Variants in PKHD1 observed in about 807,000 individuals in gnomAD.
PKHD1 encodes the protein fibrocystin.
Under a neutral mutation model 412.0 loss-of-function variants are expected in PKHD1, and 291 were observed. The observed-to-expected ratio is 0.71, with a 90% confidence interval of 0.64 to 0.78. The LOEUF (loss-of-function observed/expected upper bound fraction) is 0.78. Ranked by LOEUF, PKHD1 falls within the 30% of genes least tolerant of loss-of-function variation. The pLI, the probability that PKHD1 is intolerant of heterozygous loss-of-function variation, is 0.00. For missense variants in PKHD1, 4,825 were observed against 4,950.7 expected (o/e 0.97, Z 0.76); for synonymous variants, 1,777 against 1,821.5 (o/e 0.98, Z 0.62).
chr6:51,994,139 T>TTA, intron 35 of PKHD1, among the ~76,000 whole-genome samples: 1 of 45,202 alleles, frequency 2.2e-5, no homozygotes, highest in African/African-American at 4.4e-5. Context: ...TTTTTCTTTC[T>TTA]TTTTTTTTTT....
intron 27 of PKHD1, among the ~76,000 whole-genome samples, chr6:52,036,129 G>A (rs761570916): frequency 4.6e-5 from 7 of 152,148 alleles, no homozygotes; most frequent in Non-Finnish European, 7.4e-5. Context: ...TGAGAGTCAG[G>A]GTCAGGGCCA....
intron 39 of PKHD1, among the ~76,000 whole-genome samples, chr6:51,910,476 T>C (rs1038034728): frequency 6.6e-6 from 1 of 152,146 alleles, no homozygotes; most frequent in African/African-American, 2.4e-5. Flanking sequence ...TGGACAGGCC[T>C]TGTGTTATTA....
intron 43 of PKHD1, among the ~76,000 whole-genome samples, chr6:51,896,616 T>A (rs1178021423): frequency 6.6e-6 from 1 of 151,848 alleles, no homozygotes; most frequent in Non-Finnish European, 1.5e-5. Context: ...CCTCTCCTCC[T>A]CCAAAGGAAC....
At chr6:51,930,405 T>A (rs1786389830) in intron 37 of PKHD1, among the ~76,000 whole-genome samples, 2 of 152,118 alleles carry the variant, frequency 1.3e-5, no homozygotes, top group African/African-American at 4.8e-5. Flanking sequence ...GCTGTGTGTA[T>A]ATGTGAGTGT....
chr6:52,015,558 C>T (rs1441578208), intron 34 of PKHD1, among the ~76,000 whole-genome samples: 1 of 152,178 alleles, frequency 6.6e-6, no homozygotes, highest in Admixed American at 6.5e-5. Flanking sequence ...AGTGCAGTGG[C>T]TCACGCCTGT....
intron 53 of PKHD1, among the ~76,000 whole-genome samples, chr6:51,787,315 C>T (rs373464071): frequency 4.7e-5 from 7 of 147,994 alleles, no homozygotes; most frequent in East Asian, 4.1e-4. Context: ...GCTGAGATGG[C>T]GCCACTGCAC....
In PKHD1 at chr6:51,648,037, G is replaced by A; in HGVS notation, c.11392C>T (p.Leu3798=). The part of the protein sequence containing the change: ...ASLEGASDSV[L]KGCTQAETQD... Reference sequence around the variant, plus strand: ...TTACAGATACTTTACCTACCTTTTAGCACTGAGTCTGATGCTCCTTCCAGG... The same window carrying A: ...TTACAGATACTTTACCTACCTTTTAACACTGAGTCTGATGCTCCTTCCAGG... The change falls in exon 63 of 67, where the codon CTA becomes TTA. Residue 3798 remains leucine, a synonymous_variant. Coordinates refer to ENST00000371117, the MANE Select transcript of PKHD1 (RefSeq NM_138694.4). The A allele has an allele frequency of 1.9e-6, 3 of 1,572,012 alleles. No individual in the cohort carries two copies. The highest frequency in any genetic ancestry group is 2.6e-6 in the Non-Finnish European group (3 of 1,141,494).
Position 51,779,324 on chromosome 6 carries a change from C to T in PKHD1, c.8441-3403G>A, listed in dbSNP as rs560152759. ...TCTGCCTTCATTCCTGTTTTTGTCA[C>T]GGCCAACTCTTACATACTTTCAAAC... is the stretch of plus-strand genomic sequence containing the variant. On this transcript the variant is annotated intron_variant, in intron 53 of 66. Transcript: ENST00000371117. Among the ~76,000 whole-genome samples, 6 of 152,198 alleles carry T rather than the reference C, an allele frequency of 3.9e-5. No homozygotes were observed. In the South Asian group the frequency reaches 6.2e-4, roughly 16 times the overall value.
At chr6:51,957,403 A>G (rs1791311198) in intron 36 of PKHD1, among the ~76,000 whole-genome samples, 1 of 152,140 alleles carries the variant, frequency 6.6e-6, no homozygotes, top group Non-Finnish European at 1.5e-5. Context: ...AAAAGTGTTC[A>G]GGAAACAGAG....
intron 8 of PKHD1, 104 bp from the exon 9 acceptor site, chr6:52,071,174 T>TAG: frequency 1.2e-6 from 1 of 800,048 alleles, no homozygotes; most frequent in Non-Finnish European, 2.3e-6. Context: ...CCAAATTTGC[T>TAG]AGAGAAAATG....
chr6:51,855,222 C>T (rs1773066808), intron 49 of PKHD1, among the ~76,000 whole-genome samples: 1 of 152,240 alleles, frequency 6.6e-6, no homozygotes, highest in South Asian at 2.1e-4. Context: ...TCCTTCTCTC[C>T]GTGGGTCACG....
intron 60 of PKHD1, among the ~76,000 whole-genome samples, chr6:51,743,978 G>A (rs1582411932): frequency 6.6e-6 from 1 of 152,160 alleles, no homozygotes; most frequent in South Asian, 2.1e-4. Context: ...CTACCATTGA[G>A]AGAGCGCTTT....
intron 49 of PKHD1, among the ~76,000 whole-genome samples, chr6:51,851,253 G>C (rs1249120811): frequency 6.6e-6 from 1 of 152,214 alleles, no homozygotes; most frequent in African/African-American, 2.4e-5. Context: ...AAGCCGACTT[G>C]ATAATGGTGG....
chr6:52,053,334 G>T (rs1807183489), intron 20 of PKHD1, 83 bp from the exon 21 acceptor site: 2 of 1,418,556 alleles, frequency 1.4e-6, no homozygotes, highest in Admixed American at 3.8e-5. Flanking sequence ...CCCAACCTGG[G>T]GGGCCTGTGA....
chr6:51,887,032 A>C (rs2127555916), intron 44 of PKHD1, 101 bp downstream of exon 44: 2 of 790,870 alleles, frequency 2.5e-6, no homozygotes, highest in Middle Eastern at 2.2e-4. Context: ...AACATCACCC[A>C]ATCTCCAACA....
At chr6:51,889,199 C>T (rs1022056434) in intron 43 of PKHD1, among the ~76,000 whole-genome samples, 2 of 152,142 alleles carry the variant, frequency 1.3e-5, no homozygotes, top group South Asian at 2.1e-4. Context: ...CACTCAATCC[C>T]GGGAACACAA....
intron 35 of PKHD1, among the ~76,000 whole-genome samples, chr6:51,982,086 GC>G (rs1795420003): frequency 1.7e-5 from 1 of 59,844 alleles, no homozygotes; most frequent in African/African-American, 4.3e-5. Context: ...CCTGGCAACC[GC>G]CCCGTCTGAG....
intron 35 of PKHD1, among the ~76,000 whole-genome samples, chr6:52,003,454 A>C (rs1040396117): frequency 6.6e-6 from 1 of 152,012 alleles, no homozygotes; most frequent in Admixed American, 6.6e-5. Flanking sequence ...ATTTATCTGC[A>C]TCTCCCCTTT....
intron 35 of PKHD1, among the ~76,000 whole-genome samples, chr6:51,981,728 C>CCCAGCCG (rs1795342131): frequency 7.0e-6 from 1 of 143,622 alleles, no homozygotes. Flanking sequence ...GCAGCCTCTG[C>CCCAGCCG]CCAGCCGCCA....
Sources: gnomAD v4.1 joint callset for allele counts (sites outside exome capture counted in the v4.1 genomes callset) on GRCh38, gnomAD v4.1.1 for gene constraint, MANE v1.5 for transcripts, NCBI Gene and HGNC (gene_info 2026-07-23, HGNC 2026-07-21) for gene names.